The following TBC1D22A variants were observed in gnomAD, a reference collection of about 807,000 sequenced individuals.
TBC1D22A encodes TBC1 domain family member 22A, also known as putative GTPase activator.
TBC1D22A carries 38 observed loss-of-function variants against 60.2 expected under a neutral mutation model. That is an observed-to-expected ratio of 0.63 (90% CI 0.49 to 0.83). TBC1D22A has a LOEUF of 0.83. Ranked by LOEUF, TBC1D22A falls within the 40% of genes least tolerant of loss-of-function variation. The pLI, the probability that TBC1D22A is intolerant of heterozygous loss-of-function variation, is 0.00. For missense variants in TBC1D22A, 628 were observed against 701.0 expected (o/e 0.90, Z 1.18); for synonymous variants, 302 against 281.7 (o/e 1.07, Z -0.72).
intron 12 of TBC1D22A, among the ~76,000 whole-genome samples, chr22:47,115,667 C>T (rs112995877): frequency 5.9e-5 from 9 of 152,296 alleles, no homozygotes; most frequent in East Asian, 1.9e-4. Flanking sequence ...CCTTGGGATC[C>T]GCTGTCCCCT....
At chr22:47,157,552 G>T (rs1295562557) in intron 12 of TBC1D22A, among the ~76,000 whole-genome samples, 1 of 152,220 alleles carries the variant, frequency 6.6e-6, no homozygotes, top group Non-Finnish European at 1.5e-5. Context: ...ACCTGGCCTC[G>T]CAGGACGGCG....
intron 1 of TBC1D22A, among the ~76,000 whole-genome samples, chr22:46,776,045 G>A (rs142295798): frequency 7.0e-4 from 107 of 152,366 alleles, no homozygotes; most frequent in African/African-American, 2.3e-3. Context: ...GACCAGCCAG[G>A]AGCTTCTGCC....
chr22:47,133,515 T>C (rs1228900376), intron 12 of TBC1D22A, among the ~76,000 whole-genome samples: 1 of 152,156 alleles, frequency 6.6e-6, no homozygotes, highest in Non-Finnish European at 1.5e-5. Flanking sequence ...CCCAATGCCG[T>C]TGTGAAATTC....
chr22:46,769,508 C>G (rs560222151), intron 1 of TBC1D22A, among the ~76,000 whole-genome samples: 1 of 152,324 alleles, frequency 6.6e-6, no homozygotes, highest in African/African-American at 2.4e-5. Context: ...AAGGCCCTCA[C>G]TGGGTGGAAT....
intron 11 of TBC1D22A, among the ~76,000 whole-genome samples, chr22:47,106,451 C>G (rs1329398284): frequency 6.6e-6 from 1 of 152,192 alleles, no homozygotes; most frequent in East Asian, 1.9e-4. Context: ...AGATTGATAG[C>G]ATTCAATAGC....
intron 10 of TBC1D22A, among the ~76,000 whole-genome samples, chr22:47,000,237 C>T (rs544439829): frequency 1.5e-3 from 226 of 151,908 alleles, no homozygotes; most frequent in African/African-American, 5.2e-3. Context: ...GCAGTGGTGG[C>T]GCGAGGATAA....
chr22:46,937,422 A>G lies in TBC1D22A; in HGVS notation c.1015+25234A>G, dbSNP rs774144117. On this transcript the variant is annotated intron_variant, in intron 8 of 12. Coordinates refer to ENST00000337137, the MANE Select transcript of TBC1D22A (RefSeq NM_014346.5). ...CCATTGTAATGTCTTAGCAGCATGC[A>G]TTAACCACGTGTTTGTGCTGATGCT... 7.8e-4 allele frequency among the ~76,000 whole-genome samples: 119 copies of G among 152,216 alleles called. 1 individual carries two copies. The highest frequency in any genetic ancestry group is 3.1e-4 in the Non-Finnish European group (21 of 68,040).
chr22:47,047,519 A>G (rs1180432399), intron 11 of TBC1D22A, among the ~76,000 whole-genome samples: 1 of 152,176 alleles, frequency 6.6e-6, no homozygotes, highest in East Asian at 1.9e-4. Flanking sequence ...GACAGCCCCG[A>G]GCGGAGCAGC....
chr22:46,869,007 C>T (rs923747330), intron 4 of TBC1D22A, among the ~76,000 whole-genome samples: 30 of 152,288 alleles, frequency 2.0e-4, no homozygotes, highest in Non-Finnish European at 2.1e-4. Context: ...CTCAGTTGGC[C>T]GCTCCGTGTT....
intron 11 of TBC1D22A, among the ~76,000 whole-genome samples, chr22:47,053,632 G>A (rs1175290852): frequency 6.6e-6 from 1 of 152,242 alleles, no homozygotes; most frequent in African/African-American, 2.4e-5. Flanking sequence ...TGCACAGCAG[G>A]AGGTTGAGAG....
At chr22:47,074,749 C>T (rs929129479) in intron 11 of TBC1D22A, among the ~76,000 whole-genome samples, 17 of 152,196 alleles carry the variant, frequency 1.1e-4, no homozygotes, top group African/African-American at 2.7e-4. Flanking sequence ...GCCATCCTAC[C>T]GCCTTCCTGC....
At chr22:47,027,835 G>A (rs1181218650) in intron 10 of TBC1D22A, among the ~76,000 whole-genome samples, 2 of 152,176 alleles carry the variant, frequency 1.3e-5, no homozygotes, top group Non-Finnish European at 2.9e-5. Flanking sequence ...CCAGAAGTGC[G>A]GGCTGCGACA....
At chr22:47,098,948 C>T (rs1198619811) in intron 11 of TBC1D22A, among the ~76,000 whole-genome samples, 3 of 152,152 alleles carry the variant, frequency 2.0e-5, no homozygotes, top group African/African-American at 4.8e-5. Flanking sequence ...GTTGACTCAG[C>T]GAGCTTGCAC....
intron 8 of TBC1D22A, among the ~76,000 whole-genome samples, chr22:46,939,281 A>T (rs2071846337): frequency 6.6e-6 from 1 of 152,232 alleles, no homozygotes; most frequent in Admixed American, 6.5e-5. Flanking sequence ...GAATTCGCAG[A>T]CTGTGCACCT....
At chr22:46,792,814 C>T (rs1437883286) in intron 2 of TBC1D22A, 3 of 1,444,132 alleles carry the variant, frequency 2.1e-6, no homozygotes, top group East Asian at 5.0e-5. Flanking sequence ...GGTGGGGGAG[C>T]CCTGGGGAGA....
intron 10 of TBC1D22A, among the ~76,000 whole-genome samples, chr22:47,004,458 C>T (rs1018519010): frequency 6.6e-6 from 1 of 150,456 alleles, no homozygotes; most frequent in Non-Finnish European, 1.5e-5. Context: ...TATACACACT[C>T]CTGCCATATA....
At chr22:46,999,093 G>T (rs1267708642) in intron 10 of TBC1D22A, among the ~76,000 whole-genome samples, 1 of 152,240 alleles carries the variant, frequency 6.6e-6, no homozygotes, top group Non-Finnish European at 1.5e-5. Context: ...CCCTTGGAAG[G>T]CGTATTTCGT....
chr22:46,887,141 AAGG>A (rs1316916466), intron 5 of TBC1D22A, among the ~76,000 whole-genome samples: 5 of 152,232 alleles, frequency 3.3e-5, no homozygotes, highest in South Asian at 4.1e-4. Flanking sequence ...GTGAATCAGA[AAGG>A]AGGAGGCAGA....
chr22:47,119,480 A>G (rs1382263018), intron 12 of TBC1D22A, among the ~76,000 whole-genome samples: 2 of 151,194 alleles, frequency 1.3e-5, no homozygotes, highest in African/African-American at 2.4e-5. Context: ...GTTATAACAA[A>G]CTACCTTAGA....
Sources: gnomAD v4.1 joint callset for allele counts (sites outside exome capture counted in the v4.1 genomes callset) on GRCh38, gnomAD v4.1.1 for gene constraint, MANE v1.5 for transcripts, NCBI Gene and HGNC (gene_info 2026-07-23, HGNC 2026-07-21) for gene names.